The following ORC2 variants were observed in gnomAD, a reference collection of about 807,000 sequenced individuals.
ORC2 encodes the protein origin recognition complex protein 2 homolog.
ORC2 carries 37 observed loss-of-function variants against 77.7 expected under a neutral mutation model. The ratio of observed to expected loss-of-function variants is 0.48; its 90% confidence interval spans 0.37 to 0.63. The LOEUF is 0.63. Ranked by LOEUF, ORC2 falls within the 20% of genes least tolerant of loss-of-function variation. The pLI, the probability that ORC2 is intolerant of heterozygous loss-of-function variation, is 0.00. For synonymous variants in ORC2, 201 were observed against 229.5 expected (o/e 0.88, Z 1.12); for missense variants, 557 against 661.9 (o/e 0.84, Z 1.74).
At chr2:200,948,328 C>T (rs984029440) in intron 5 of ORC2, among the ~76,000 whole-genome samples, 20 of 152,126 alleles carry the variant, frequency 1.3e-4, no homozygotes, top group Non-Finnish European at 2.9e-4. Flanking sequence ...AGATTACAGG[C>T]ATGAGCTACC....
intron 15 of ORC2, among the ~76,000 whole-genome samples, chr2:200,915,034 A>C (rs1203050232): frequency 3.5e-5 from 1 of 28,532 alleles, no homozygotes; most frequent in Non-Finnish European, 7.0e-5. Context: ...TTTTTTTTTG[A>C]GACAGAGTTT....
chr2:200,949,611 CA>C lies in ORC2; in HGVS notation c.270del (p.Gly91GlufsTer19). The C allele has an allele frequency of 6.2e-7, 1 of 1,602,534 alleles. No individual in the cohort carries two copies. The highest frequency in any genetic ancestry group is 8.5e-7 in the Non-Finnish European group (1 of 1,171,010). ...ESLKNGSATG[G>X]GNKVYSFQNR... The stretch of plus-strand genomic sequence containing the variant: ...TTCTGAAAAGAATAAACTTTATTTC[CA>C]CCACCTGTAGCAGAGCCATTTTTCA... On this transcript the variant is annotated frameshift_variant, in exon 5 of 18. Coordinates refer to ENST00000234296, the MANE Select transcript of ORC2 (RefSeq NM_006190.5). LOFTEE classifies it high-confidence loss of function.
chr2:200,915,485 G>A (rs1054717892), intron 15 of ORC2, among the ~76,000 whole-genome samples: 5 of 152,048 alleles, frequency 3.3e-5, no homozygotes, highest in African/African-American at 4.8e-5. Context: ...AAATAACTCA[G>A]CACTAAATAA....
chr2:200,941,306 C>T, intron 6 of ORC2, 27 bp from the exon 7 acceptor site: 2 of 1,602,160 alleles, frequency 1.2e-6, no homozygotes, highest in South Asian at 1.1e-5. Context: ...AAAGCCATGA[C>T]TTACTACGGA....
chr2:200,914,165 C>CTTTTT (rs1158874227), intron 15 of ORC2, among the ~76,000 whole-genome samples, 173 bp from the exon 16 acceptor site: 1 of 134,858 alleles, frequency 7.4e-6, no homozygotes, highest in Admixed American at 7.5e-5. Context: ...TTTCTAATTT[C>CTTTTT]TTTTTTTTTT....
chr2:200,916,368 C>T (rs550179082), intron 15 of ORC2, among the ~76,000 whole-genome samples: 8 of 152,020 alleles, frequency 5.3e-5, no homozygotes, highest in South Asian at 2.1e-4. Context: ...CTCTAGTCCC[C>T]GCTACTTGTG....
intron 1 of ORC2, among the ~76,000 whole-genome samples, chr2:200,961,994 T>G (rs940317855): frequency 6.6e-6 from 1 of 152,262 alleles, no homozygotes. Context: ...CCCTATGGTA[T>G]TCTACACAAG....
chr2:200,960,809 G>A, intron 1 of ORC2, among the ~76,000 whole-genome samples: 1 of 151,814 alleles, frequency 6.6e-6, no homozygotes, highest in East Asian at 1.9e-4. Context: ...GATGGAGTCT[G>A]GCTGTGTCCC....
chr2:200,935,859 T>A lies in ORC2; in HGVS notation c.548A>T (p.Tyr183Phe), dbSNP rs1449597931. Residue 183 changes from tyrosine (Y) to phenylalanine (F), a missense_variant, in exon 9 of 18, where the codon TAT becomes TTT. Transcript: ENST00000234296. ...PRSHSDSESE[Y>F]SASNSEDDEG... is the part of the protein sequence containing the mutation. ...ATCATCCTCTGAGTTGGAAGCAGAATATTCGCTTTCACTGTCAGAATGAGA... is the reference window on the plus strand; with the variant it reads ...ATCATCCTCTGAGTTGGAAGCAGAAAATTCGCTTTCACTGTCAGAATGAGA... 5 of 1,613,794 alleles carry A rather than the reference T, an allele frequency of 3.1e-6. No homozygotes were observed. The highest frequency in any genetic ancestry group is 4.2e-6 in the Non-Finnish European group (5 of 1,179,952).
At position 200,953,112 on chromosome 2, in the gene ORC2, CA is replaced by C. The variant is rs768496100; in HGVS notation, c.239-3470del. 8.6e-3 allele frequency among the ~76,000 whole-genome samples: 420 copies of C among 48,602 alleles called. 1 individual carries two copies. The highest frequency in any genetic ancestry group is 0.022 in the East Asian group (37 of 1,662). 31.9% of individuals were successfully genotyped at this position (48,602 alleles called of 152,430 possible). A position where few individuals can be genotyped will look rare whatever the true frequency, so the allele number is the denominator to read the frequency against. ...TAGGTGACAGAGTGAGACCCTGTCTCAAAAAAAAAAAAAAAAAAAAAGGCAA... is the reference window on the plus strand; with the variant it reads ...TAGGTGACAGAGTGAGACCCTGTCTCAAAAAAAAAAAAAAAAAAAAGGCAA... On this transcript the variant is annotated intron_variant, in intron 4 of 17. Coordinates refer to ENST00000234296, the MANE Select transcript of ORC2 (RefSeq NM_006190.5).
At chr2:200,956,237 AT>A (rs143868230) in intron 4 of ORC2, among the ~76,000 whole-genome samples, 6,489 of 147,582 alleles carry the variant, frequency 0.044, 463 homozygotes, top group African/African-American at 0.15. Context: ...AGCTAGTTTT[AT>A]TTTTTTTTTG....
At chr2:200,951,227 T>C (rs983350259) in intron 4 of ORC2, among the ~76,000 whole-genome samples, 1 of 152,202 alleles carries the variant, frequency 6.6e-6, no homozygotes, top group Non-Finnish European at 1.5e-5. Context: ...TGCTGAATAC[T>C]CCATGGTCAG....
At chr2:200,944,597 C>G (rs2041218175) in intron 5 of ORC2, among the ~76,000 whole-genome samples, 1 of 152,202 alleles carries the variant, frequency 6.6e-6, no homozygotes, top group Non-Finnish European at 1.5e-5. Flanking sequence ...CAGGAGTACA[C>G]TGGCGTGATC....
chr2:200,927,646 C>T (rs945127466), intron 11 of ORC2, among the ~76,000 whole-genome samples: 3 of 150,904 alleles, frequency 2.0e-5, no homozygotes, highest in Admixed American at 6.6e-5. Context: ...GCCGAGATCC[C>T]GCCACTGCAC....
rs138099861 is a variant in ORC2, at chr2:200,941,729, G to A, written c.422-450C>T. Among the ~76,000 whole-genome samples, 28 of 152,236 alleles carry A rather than the reference G, an allele frequency of 1.8e-4. No homozygotes were observed. In the East Asian group the frequency reaches 2.5e-3, roughly 14 times the overall value. ...TGTCCAGGAGCGGTGGCTCACGCCC[G>A]TAATCCCAGCACTTTGGGAGGCCAA... On this transcript the variant is annotated intron_variant, in intron 6 of 17. Coordinates refer to ENST00000234296, the MANE Select transcript of ORC2 (RefSeq NM_006190.5).
At chr2:200,951,549 G>C (rs557803278) in intron 4 of ORC2, among the ~76,000 whole-genome samples, 101 of 152,176 alleles carry the variant, frequency 6.6e-4, no homozygotes, top group African/African-American at 2.4e-3. Context: ...TTTGGATTTT[G>C]GCTATTCTAA....
chr2:200,960,122 C>A (rs577763589), intron 1 of ORC2, among the ~76,000 whole-genome samples: 2 of 151,924 alleles, frequency 1.3e-5, no homozygotes, highest in South Asian at 4.2e-4. Flanking sequence ...GGACTACTAG[C>A]TTCTGCCACC....
chr2:200,909,009 T>C lies in ORC2; in HGVS notation c.*2292A>G, dbSNP rs2040511875. The C allele has an allele frequency of 1.3e-5, 2 of 152,226 alleles. No homozygotes were observed. The highest frequency in any genetic ancestry group is 1.3e-4 in the Admixed American group (2 of 15,276). 9.4% of individuals were successfully genotyped at this position (152,226 alleles called of 1,614,324 possible). ...ATTCTATCCAAATTGGCTTTTTATT[T>C]ATTAATAATAAAGTCTACTGACACA... is the stretch of plus-strand genomic sequence containing the variant. On this transcript the variant is annotated 3_prime_UTR_variant, in exon 18 of 18. Coordinates refer to ENST00000234296, the MANE Select transcript of ORC2 (RefSeq NM_006190.5).
intron 11 of ORC2, among the ~76,000 whole-genome samples, chr2:200,928,367 T>C (rs1650906416): frequency 6.6e-6 from 1 of 151,642 alleles, no homozygotes; most frequent in Non-Finnish European, 1.5e-5. Flanking sequence ...AATAAATAAA[T>C]AAATATTTAT....
Sources: allele counts gnomAD v4.1 joint callset (sites outside exome capture counted in the v4.1 genomes callset), GRCh38; gene constraint gnomAD v4.1.1; transcripts MANE v1.5; gene names NCBI Gene and HGNC (gene_info 2026-07-23, HGNC 2026-07-21).